PSMA8: variants seen among roughly 807,000 people sequenced by gnomAD.
The protein encoded by PSMA8 is proteasome subunit alpha-type 8.
Under a neutral mutation model 32.4 loss-of-function variants are expected in PSMA8, and 18 were observed. The ratio of observed to expected loss-of-function variants is 0.56; its 90% CI spans 0.38 to 0.82. The LOEUF (loss-of-function observed/expected upper bound fraction) is 0.82, where lower values mean the gene tolerates loss of function less well. Ranked by LOEUF, PSMA8 falls within the 40% of genes least tolerant of loss-of-function variation. The probability of loss-of-function intolerance (pLI) is 0.00; values close to 1 mark genes in which losing one functional copy is unlikely to be tolerated. For synonymous variants in PSMA8, 104 were observed against 98.1 expected, an observed-to-expected ratio of 1.06 and a Z score of -0.36; for missense variants, 298 against 300.7, an observed-to-expected ratio of 0.99 and a Z score of 0.07.
intron 1 of PSMA8, among the ~76,000 whole-genome samples, chr18:26,134,284 G>C (rs1793683560): frequency 6.6e-6 from 1 of 151,882 alleles, no homozygotes; most frequent in Non-Finnish European, 1.5e-5. Flanking sequence ...TATCTCTGCT[G>C]TTCAACTGCC....
In PSMA8 at chr18:26,179,076, G is replaced by C. The variant is rs745395535; in HGVS notation, c.606G>C (p.Gln202His). 1.2e-6 allele frequency: 2 copies of C among 1,613,196 alleles called. No homozygotes were observed. The highest frequency in any genetic ancestry group is 8.5e-7 in the Non-Finnish European group (1 of 1,179,552). The change falls in exon 6 of 7, where the codon CAG (glutamine) becomes CAC (histidine). Residue 202 changes from glutamine to histidine, a missense_variant. Physicochemically the swap from Gln to His is conservative, Grantham distance 24. Transcript: ENST00000415576. ...TACTTGTTCTACATTAGGTTGTCCA[G>C]TCTGGTGGAAAAAACATTGAACTTG... ...LAIKALLEVV[Q>H]SGGKNIELAI...
chr18:26,162,933 A>C (rs1452360369), intron 4 of PSMA8, among the ~76,000 whole-genome samples: 1 of 151,992 alleles, frequency 6.6e-6, no homozygotes, highest in East Asian at 1.9e-4. Context: ...CAGAATAATA[A>C]GCATGTGAGT....
intron 4 of PSMA8, among the ~76,000 whole-genome samples, chr18:26,173,328 T>C (rs890564058): frequency 6.6e-6 from 1 of 152,162 alleles, no homozygotes; most frequent in African/African-American, 2.4e-5. Flanking sequence ...TGCCCAGAGC[T>C]TGCATGATAT....
intron 4 of PSMA8, among the ~76,000 whole-genome samples, chr18:26,162,301 C>T (rs546013987): frequency 6.6e-6 from 1 of 152,238 alleles, no homozygotes; most frequent in East Asian, 1.9e-4. Flanking sequence ...GAACTAACAA[C>T]TTTCCATCCC....
intron 4 of PSMA8, 82 bp from the exon 5 acceptor site, chr18:26,178,748 T>G: frequency 7.5e-7 from 1 of 1,333,978 alleles, no homozygotes; most frequent in Non-Finnish European, 1.0e-6. Context: ...TGGAGTAAAC[T>G]CCAAACCTCT....
chr18:26,183,030 T>C (rs1227952330), intron 6 of PSMA8, among the ~76,000 whole-genome samples: 2 of 149,490 alleles, frequency 1.3e-5, no homozygotes, highest in Non-Finnish European at 3.0e-5. Flanking sequence ...AGTTGGAGGT[T>C]GCAATGAGCC....
chr18:26,134,340 G>GGTGT (rs563053283), intron 1 of PSMA8, among the ~76,000 whole-genome samples: 7,322 of 135,110 alleles, frequency 0.054, 340 homozygotes, highest in East Asian at 0.15. Context: ...TGTGTGTGTG[G>GGTGT]GTGTGTGTGT....
intron 3 of PSMA8, 110 bp downstream of exon 3, chr18:26,152,092 T>A: frequency 1.5e-6 from 1 of 686,488 alleles, no homozygotes; most frequent in Non-Finnish European, 2.1e-6. Flanking sequence ...TTAAATATAT[T>A]AAATTTCTTA....
intron 4 of PSMA8, 133 bp downstream of exon 4, chr18:26,158,377 C>T (rs1568060816): frequency 5.6e-6 from 4 of 716,602 alleles, no homozygotes; most frequent in East Asian, 6.1e-5. Context: ...CTATTCAGCT[C>T]GTCAGAAACT....
At chr18:26,173,082 C>T (rs1406624351) in intron 4 of PSMA8, among the ~76,000 whole-genome samples, 2 of 152,150 alleles carry the variant, frequency 1.3e-5, no homozygotes, top group African/African-American at 2.4e-5. Context: ...TAAGTCAGAT[C>T]AGGTCACCTC....
rs545999817 is a variant in PSMA8, at chr18:26,186,937, A to G, written c.661-5382A>G. Among the ~76,000 whole-genome samples the G allele has an allele frequency of 5.1e-3, 784 of 152,374 alleles. 5 individuals are homozygous for G. Among genetic ancestry groups the G allele is most frequent in the African/African-American group, 0.018 (739 of 41,596 alleles). On this transcript the variant is annotated intron_variant, in intron 6 of 6. Transcript: ENST00000415576. ...TTGGATTAAACTGCCCTGGAGAAGG[A>G]TACTTGTCTCCCTAGCCTAGGAAGT...
intron 6 of PSMA8, 139 bp downstream of exon 6, chr18:26,179,269 T>C (rs1306859943): frequency 1.7e-6 from 1 of 576,016 alleles, no homozygotes; most frequent in Admixed American, 3.5e-5. Context: ...TTTCTGACCG[T>C]CTACCGGTTT....
At chr18:26,143,075 C>T (rs539993508) in intron 1 of PSMA8, among the ~76,000 whole-genome samples, 2 of 152,248 alleles carry the variant, frequency 1.3e-5, no homozygotes, top group Admixed American at 1.3e-4. Context: ...CATGGATTCC[C>T]GGCATCTTCT....
At chr18:26,159,657 G>A (rs908354915) in intron 4 of PSMA8, among the ~76,000 whole-genome samples, 1 of 151,888 alleles carries the variant, frequency 6.6e-6, no homozygotes, top group African/African-American at 2.4e-5. Context: ...TGCTTCTTAG[G>A]GACGTACAGA....
At chr18:26,161,195 G>C (rs1375512548) in intron 4 of PSMA8, among the ~76,000 whole-genome samples, 1 of 152,008 alleles carries the variant, frequency 6.6e-6, no homozygotes, top group Non-Finnish European at 1.5e-5. Context: ...CTTTTTCTTG[G>C]GAACTAGAAC....
chr18:26,183,784 C>G (rs1317945628), intron 6 of PSMA8, among the ~76,000 whole-genome samples: 1 of 150,702 alleles, frequency 6.6e-6, no homozygotes, highest in Non-Finnish European at 1.5e-5. Flanking sequence ...GAGTAAAATG[C>G]TATCAAACAG....
At chr18:26,175,550 CT>C (rs1221275920) in intron 4 of PSMA8, among the ~76,000 whole-genome samples, 1 of 152,144 alleles carries the variant, frequency 6.6e-6, no homozygotes, top group Non-Finnish European at 1.5e-5. Context: ...TGAGGGAGCT[CT>C]TGTTAACCAG....
At chr18:26,135,686 A>G (rs1172312450) in intron 1 of PSMA8, among the ~76,000 whole-genome samples, 2 of 152,210 alleles carry the variant, frequency 1.3e-5, no homozygotes, top group Non-Finnish European at 2.9e-5. Context: ...TTTAGAGCCT[A>G]AAATAAAGGG....
chr18:26,179,703 A>G (rs1295701199), intron 6 of PSMA8, among the ~76,000 whole-genome samples: 1 of 152,206 alleles, frequency 6.6e-6, no homozygotes, highest in Non-Finnish European at 1.5e-5. Flanking sequence ...AACCAACTGT[A>G]CAACATAGTT....
Sources: gnomAD v4.1 joint callset for allele counts (sites outside exome capture counted in the v4.1 genomes callset) on GRCh38, gnomAD v4.1.1 for gene constraint, MANE v1.5 for transcripts, NCBI Gene and HGNC (gene_info 2026-07-23, HGNC 2026-07-21) for gene names.